Variants in PAPPA2 observed in about 807,000 individuals in gnomAD.
PAPPA2 encodes pappalysin-2.
A neutral mutation model predicts 176.4 loss-of-function variants in PAPPA2; 86 were observed. The ratio of observed to expected loss-of-function variants is 0.49; its 90% CI spans 0.41 to 0.58. The LOEUF (loss-of-function observed/expected upper bound fraction) is 0.58. Ranked by LOEUF, PAPPA2 falls within the 20% of genes least tolerant of loss-of-function variation. The pLI, the probability that PAPPA2 is intolerant of heterozygous loss-of-function variation, is 0.00. For synonymous variants in PAPPA2, 809 were observed against 852.2 expected (o/e 0.95, Z 0.88); for missense variants, 2,073 against 2,256.9 (o/e 0.92, Z 1.65).
At chr1:176,638,679 A>G (rs1371109642) in intron 3 of PAPPA2, among the ~76,000 whole-genome samples, 2 of 151,890 alleles carry the variant, frequency 1.3e-5, no homozygotes, top group South Asian at 2.1e-4. Flanking sequence ...TAGCCCCTCC[A>G]AATTCCCATG....
At chr1:176,547,918 C>T (rs1386320457) in intron 1 of PAPPA2, among the ~76,000 whole-genome samples, 2 of 152,076 alleles carry the variant, frequency 1.3e-5, no homozygotes, top group Non-Finnish European at 2.9e-5. Flanking sequence ...TGTGGGGTGC[C>T]GACCCACAGC....
chr1:176,673,141 A>C (rs1419512433), intron 4 of PAPPA2, among the ~76,000 whole-genome samples: 1 of 152,166 alleles, frequency 6.6e-6, no homozygotes, highest in Non-Finnish European at 1.5e-5. Flanking sequence ...TATTGGTTTC[A>C]GGAACAGTTC....
intron 12 of PAPPA2, among the ~76,000 whole-genome samples, chr1:176,716,907 G>A (rs981199771): frequency 6.6e-6 from 1 of 152,000 alleles, no homozygotes; most frequent in Admixed American, 6.6e-5. Context: ...CACTGCGCCC[G>A]GCCACAACAA....
At chr1:176,623,580 T>TTCCTTCCC (rs1655725618) in intron 3 of PAPPA2, among the ~76,000 whole-genome samples, 1 of 48,086 alleles carries the variant, frequency 2.1e-5, no homozygotes, top group Non-Finnish European at 6.5e-5. Context: ...CCTTCCCTCC[T>TTCCTTCCC]TCCTTCCTTC....
chr1:176,790,479 C>T (rs776907305), intron 18 of PAPPA2, among the ~76,000 whole-genome samples: 12 of 152,258 alleles, frequency 7.9e-5, no homozygotes, highest in Non-Finnish European at 1.3e-4. Context: ...TAGAATCTTT[C>T]AAGCCTCACA....
At chr1:176,819,089 G>A (rs527809641) in intron 21 of PAPPA2, among the ~76,000 whole-genome samples, 2 of 152,258 alleles carry the variant, frequency 1.3e-5, no homozygotes, top group South Asian at 2.1e-4. Flanking sequence ...ATACAGTGAC[G>A]TAGTGACTGG....
intron 1 of PAPPA2, among the ~76,000 whole-genome samples, chr1:176,506,502 T>G (rs1001399590): frequency 6.6e-6 from 1 of 152,278 alleles, no homozygotes; most frequent in African/African-American, 2.4e-5. Context: ...TATTTTTCTA[T>G]TTATTTGTGT....
Position 176,595,383 on chromosome 1 carries a change from T to C in PAPPA2, c.1779T>C (p.Asn593=), listed in dbSNP as rs962021835. ...LVNCEPSKIG[N]DHCDPECEHP... ...ACTGTGAGCCCAGCAAGATTGGCAA[T>C]GACCATTGTGACCCCGAGTGTGAGC... is the stretch of plus-strand genomic sequence containing the variant. Residue 593 remains asparagine (N), a synonymous_variant, in exon 3 of 23, where the codon AAT becomes AAC. Transcript: ENST00000367662. The C allele has an allele frequency of 1.2e-6, 2 of 1,614,146 alleles. No individual in the cohort carries two copies. Among genetic ancestry groups the C allele is most frequent in the Non-Finnish European group, 1.7e-6 (2 of 1,180,022 alleles).
rs1653908307 is a variant in PAPPA2 at position 176,595,289 on chromosome 1, A to C, written c.1685A>C (p.Asn562Thr). ...CTGAATGAGGCCTTCAGCCGCTACA[A>C]CATCAGCTGGCAGCTGAGCGTCCAC... ...EALNEAFSRY[N>T]ISWQLSVHQV... The change falls in exon 3 of 23, where the codon AAC becomes ACC. Residue 562 changes from asparagine to threonine, a missense_variant. Physicochemically the swap from Asn to Thr is moderately conservative, Grantham distance 65. Around this residue, in one of 4 missense-constraint regions of PAPPA2, gnomAD observed 1,196 missense variants for 1,330.4 expected, o/e 0.90. Coordinates refer to ENST00000367662, the MANE Select transcript of PAPPA2 (RefSeq NM_020318.3). 1 of 1,614,154 alleles carries C rather than the reference A, an allele frequency of 6.2e-7. No individual in the cohort carries two copies. The highest frequency in any genetic ancestry group is 8.5e-7 in the Non-Finnish European group (1 of 1,180,030).
At chr1:176,664,471 G>A (rs1390386175) in intron 3 of PAPPA2, among the ~76,000 whole-genome samples, 1 of 152,134 alleles carries the variant, frequency 6.6e-6, no homozygotes, top group East Asian at 1.9e-4. Context: ...TTGCTTTTAA[G>A]TACTTGTATG....
At chr1:176,700,344 T>A (rs969454905) in intron 8 of PAPPA2, among the ~76,000 whole-genome samples, 1 of 152,252 alleles carries the variant, frequency 6.6e-6, no homozygotes, top group Admixed American at 6.5e-5. Flanking sequence ...AGGGCAGAAC[T>A]AGGGCAAAAC....
rs1399387629 is a variant in PAPPA2 at position 176,690,557 on chromosome 1, GTATT to G, written c.2431+132_2431+135del. On this transcript the variant is annotated intron_variant, in intron 5 of 22. Coordinates refer to ENST00000367662, the MANE Select transcript of PAPPA2 (RefSeq NM_020318.3). ...GTCATTTGTGTCGGAGAGTTGAAGTGTATTTATTATAAGGTATTATTATTTTTTC... is the reference window on the plus strand; with the variant it reads ...GTCATTTGTGTCGGAGAGTTGAAGTGTATTATAAGGTATTATTATTTTTTC... The G allele has an allele frequency of 3.4e-6, 5 of 1,471,278 alleles. No individual in the cohort carries two copies. The South Asian group carries it at 7.4e-5, about 22-fold the overall frequency. The allele number at this position is 1,471,278 out of a possible 1,614,324, so 91.1% of individuals were successfully genotyped here. A position where few individuals can be genotyped will look rare whatever the true frequency, so the allele number is the denominator to read the frequency against.
At chr1:176,765,597 T>A in intron 14 of PAPPA2, 69 bp from the exon 15 acceptor site, 1 of 1,476,750 alleles carries the variant, frequency 6.8e-7, no homozygotes, top group Admixed American at 1.9e-5. Flanking sequence ...CAGATGGAGC[T>A]GCAAAGTCAT....
intron 1 of PAPPA2, among the ~76,000 whole-genome samples, chr1:176,522,350 A>C (rs1295889694): frequency 1.3e-5 from 2 of 152,176 alleles, no homozygotes; most frequent in Non-Finnish European, 2.9e-5. Flanking sequence ...CAACTCTGTA[A>C]GTACTGCCTG....
At chr1:176,621,340 C>G (rs964197774) in intron 3 of PAPPA2, among the ~76,000 whole-genome samples, 21 of 152,102 alleles carry the variant, frequency 1.4e-4, no homozygotes, top group South Asian at 4.1e-4. Flanking sequence ...GTAATGTGCT[C>G]ATTAGGAAAC....
At chr1:176,812,474 T>C (rs1666196990) in intron 21 of PAPPA2, among the ~76,000 whole-genome samples, 2 of 152,326 alleles carry the variant, frequency 1.3e-5, no homozygotes, top group South Asian at 2.1e-4. Flanking sequence ...AGACTTCTAA[T>C]TGTGCTTCAA....
intron 1 of PAPPA2, among the ~76,000 whole-genome samples, chr1:176,492,493 A>G (rs1394118845): frequency 6.6e-6 from 1 of 152,178 alleles, no homozygotes; most frequent in Non-Finnish European, 1.5e-5. Context: ...AGGTTTGTCA[A>G]AACTATTATC....
intron 8 of PAPPA2, among the ~76,000 whole-genome samples, chr1:176,700,568 C>T (rs1001511159): frequency 2.0e-5 from 3 of 152,234 alleles, no homozygotes; most frequent in African/African-American, 7.2e-5. Context: ...GGCCTCTTTC[C>T]TCATGGTCTC....
intron 2 of PAPPA2, among the ~76,000 whole-genome samples, chr1:176,563,198 G>T (rs1461557436): frequency 6.6e-6 from 1 of 152,166 alleles, no homozygotes; most frequent in Non-Finnish European, 1.5e-5. Context: ...AGGGTGGAGG[G>T]AACTTTCTGA....
Sources: gnomAD v4.1 joint callset for allele counts (sites outside exome capture counted in the v4.1 genomes callset) on GRCh38, gnomAD v4.1.1 for gene constraint, gnomAD v4.1.1 regional missense constraint, MANE v1.5 for transcripts, NCBI Gene and HGNC (gene_info 2026-07-23, HGNC 2026-07-21) for gene names.